The following RIMS1 variants were observed in gnomAD, a reference collection of about 807,000 sequenced individuals.
RIMS1 encodes regulating synaptic membrane exocytosis protein 1.
RIMS1 carries 83 observed loss-of-function variants against 214.1 expected under a neutral mutation model. The observed-to-expected ratio is 0.39, with a 90% confidence interval of 0.32 to 0.47. RIMS1 has a LOEUF of 0.47. Among genes scored for constraint, RIMS1 ranks in the 20% least tolerant of loss-of-function variants. The probability of loss-of-function intolerance (pLI) is 0.99; values close to 1 mark genes in which losing one functional copy is unlikely to be tolerated. For synonymous variants in RIMS1, 793 were observed against 786.8 expected, an observed-to-expected ratio of 1.01 and a Z score of -0.13; for missense variants, 2,050 against 2,161.8, an observed-to-expected ratio of 0.95 and a Z score of 1.03.
At chr6:72,209,549 G>T (rs1436132656) in intron 6 of RIMS1, among the ~76,000 whole-genome samples, 1 of 152,128 alleles carries the variant, frequency 6.6e-6, no homozygotes, top group African/African-American at 2.4e-5. Flanking sequence ...TATGCAATCG[G>T]AATTTACTGG....
intron 1 of RIMS1, among the ~76,000 whole-genome samples, chr6:71,887,560 G>A (rs1396837819): frequency 1.3e-5 from 2 of 152,168 alleles, no homozygotes; most frequent in African/African-American, 2.4e-5. Context: ...CAGGGGATGA[G>A]TAGAAACAAG....
intron 6 of RIMS1, chr6:72,213,122 C>T (rs1292922154): frequency 1.3e-6 from 2 of 1,536,768 alleles, no homozygotes; most frequent in Admixed American, 3.9e-5. Flanking sequence ...AGTTTGCTGT[C>T]ATGTGTGCAC....
intron 29 of RIMS1, among the ~76,000 whole-genome samples, chr6:72,381,746 G>T (rs1198923034): frequency 1.3e-5 from 2 of 152,284 alleles, no homozygotes; most frequent in East Asian, 3.9e-4. Context: ...GATCTGACAG[G>T]CAAGGCTTTA....
chr6:72,245,712 T>C (rs1283627803), intron 10 of RIMS1, 103 bp from the exon 11 acceptor site: 1 of 850,854 alleles, frequency 1.2e-6, no homozygotes, highest in East Asian at 2.5e-5. Flanking sequence ...TCCACACCTG[T>C]AAAGACCCAG....
intron 2 of RIMS1, among the ~76,000 whole-genome samples, chr6:71,974,871 T>G (rs1796769569): frequency 6.6e-6 from 1 of 152,168 alleles, no homozygotes. Flanking sequence ...CATTAATTTG[T>G]AAGCAATTAC....
intron 2 of RIMS1, among the ~76,000 whole-genome samples, chr6:72,060,934 G>C (rs1395627418): frequency 6.6e-6 from 1 of 152,106 alleles, no homozygotes; most frequent in African/African-American, 2.4e-5. Flanking sequence ...TGTTGAATGA[G>C]AAAATTTTCT....
chr6:72,027,082 TATA>T (rs1816739211), intron 2 of RIMS1, among the ~76,000 whole-genome samples: 1 of 152,226 alleles, frequency 6.6e-6, no homozygotes, highest in Admixed American at 6.5e-5. Context: ...AATGTACTAA[TATA>T]TTAATATTGG....
At chr6:72,198,594 GAGTA>G (rs1262602074) in intron 6 of RIMS1, among the ~76,000 whole-genome samples, 2 of 151,860 alleles carry the variant, frequency 1.3e-5, no homozygotes, top group East Asian at 3.9e-4. Flanking sequence ...TTTGATAGTA[GAGTA>G]AGTATACTAT....
intron 4 of RIMS1, among the ~76,000 whole-genome samples, chr6:72,128,720 C>T (rs1005406600): frequency 1.8e-4 from 27 of 152,100 alleles, no homozygotes; most frequent in African/African-American, 6.5e-4. Context: ...TTTAAAAATC[C>T]AGGAACAACA....
intron 1 of RIMS1, among the ~76,000 whole-genome samples, chr6:71,955,461 C>G (rs1280839614): frequency 6.6e-6 from 1 of 152,116 alleles, no homozygotes; most frequent in Non-Finnish European, 1.5e-5. Context: ...GCCACCGTGC[C>G]CAACTTATGA....
At chr6:72,269,306 T>G (rs559247509) in intron 22 of RIMS1, among the ~76,000 whole-genome samples, 1 of 152,316 alleles carries the variant, frequency 6.6e-6, no homozygotes, top group East Asian at 1.9e-4. Context: ...TAAACCTCTG[T>G]TATGATGTCT....
At chr6:72,206,372 T>A (rs1378220944) in intron 6 of RIMS1, among the ~76,000 whole-genome samples, 1 of 152,220 alleles carries the variant, frequency 6.6e-6, no homozygotes, top group Non-Finnish European at 1.5e-5. Context: ...CTCAAAAATT[T>A]ACTGTCTTTA....
rs376066229 is a variant in RIMS1, at chr6:72,154,311, TG to T, written c.472-25263del. On this transcript the variant is annotated intron_variant, in intron 4 of 33. Transcript: ENST00000521978. ...TGCAGACAACTGACGGATAGATGGA[TG>T]TATTGATTGTATAATTATAAAATAC... is the stretch of plus-strand genomic sequence containing the variant. 1.8e-4 allele frequency among the ~76,000 whole-genome samples: 25 copies of T among 140,438 alleles called. 4 individuals carry two copies. In the East Asian group the frequency reaches 4.9e-3, roughly 27 times the overall value. The allele number at this position is 140,438 out of a possible 152,430, so 92.1% of individuals were successfully genotyped here. A position where few individuals can be genotyped will look rare whatever the true frequency, so the allele number is the denominator to read the frequency against.
chr6:71,999,387 C>T lies in RIMS1; in HGVS notation c.245+30324C>T, dbSNP rs559951591. Among the ~76,000 whole-genome samples, 7 of 152,230 alleles carry T rather than the reference C, an allele frequency of 4.6e-5. No individual in the cohort carries two copies. In the South Asian group the frequency reaches 1.2e-3, roughly 27 times the overall value. On this transcript the variant is annotated intron_variant, in intron 2 of 33. Transcript: ENST00000521978. The stretch of plus-strand genomic sequence containing the variant: ...TAGTGTTATCAATACACATAACATA[C>T]ATAGTCCTGGCTATTAGTTGGTGGG...
chr6:72,100,780 A>G (rs1456618278), intron 4 of RIMS1, among the ~76,000 whole-genome samples: 1 of 152,020 alleles, frequency 6.6e-6, no homozygotes, highest in Admixed American at 6.6e-5. Context: ...TAATATATCA[A>G]CTGAGCTGCC....
At chr6:72,230,767 A>G (rs904405084) in intron 6 of RIMS1, among the ~76,000 whole-genome samples, 10 of 151,604 alleles carry the variant, frequency 6.6e-5, no homozygotes, top group Non-Finnish European at 4.4e-5. Context: ...ATTAAGTTTA[A>G]TAACCTACTT....
At chr6:71,980,492 A>T (rs931762279) in intron 2 of RIMS1, among the ~76,000 whole-genome samples, 2 of 152,250 alleles carry the variant, frequency 1.3e-5, no homozygotes, top group African/African-American at 4.8e-5. Flanking sequence ...TATTTGGCCA[A>T]TGAGTTGGAG....
chr6:71,951,096 C>T (rs182225578), intron 1 of RIMS1, among the ~76,000 whole-genome samples: 25 of 152,230 alleles, frequency 1.6e-4, no homozygotes, highest in African/African-American at 4.3e-4. Flanking sequence ...AATTGGAAGA[C>T]GTGATAAATC....
chr6:71,965,078 A>G (rs1794069170), intron 1 of RIMS1, among the ~76,000 whole-genome samples: 1 of 152,212 alleles, frequency 6.6e-6, no homozygotes, highest in African/African-American at 2.4e-5. Flanking sequence ...ACACTTGGGA[A>G]GTAGACACAA....
Sources: gnomAD v4.1 joint callset for allele counts (sites outside exome capture counted in the v4.1 genomes callset) on GRCh38, gnomAD v4.1.1 for gene constraint, MANE v1.5 for transcripts, NCBI Gene and HGNC (gene_info 2026-07-23, HGNC 2026-07-21) for gene names.